The following PDE10A variants were observed in gnomAD, a reference collection of about 807,000 sequenced individuals.
PDE10A encodes cAMP and cAMP-inhibited cGMP 3',5'-cyclic phosphodiesterase 10A.
In PDE10A, 39 loss-of-function variants were observed where a neutral mutation model predicts 97.7. The ratio of observed to expected loss-of-function variants is 0.40; its 90% CI spans 0.31 to 0.52. The LOEUF is 0.52. Ranked by LOEUF, PDE10A falls within the 20% of genes least tolerant of loss-of-function variation. The pLI is 0.56. For missense variants in PDE10A, 731 were observed against 1,047.8 expected (o/e 0.70, Z 4.17); for synonymous variants, 371 against 376.8 (o/e 0.98, Z 0.18).
At chr6:165,860,834 C>G (rs189734235) in intron 1 of PDE10A, among the ~76,000 whole-genome samples, 1 of 152,316 alleles carries the variant, frequency 6.6e-6, no homozygotes, top group Non-Finnish European at 1.5e-5. Flanking sequence ...GAGTCCCTGA[C>G]CAATGCACAC....
At chr6:165,440,397 A>C (rs989070941) in intron 5 of PDE10A, among the ~76,000 whole-genome samples, 3 of 152,240 alleles carry the variant, frequency 2.0e-5, no homozygotes, top group African/African-American at 7.2e-5. Context: ...TATCCCAAGT[A>C]ACAAAACTAA....
intron 17 of PDE10A, among the ~76,000 whole-genome samples, chr6:165,384,765 A>T (rs1785180675): frequency 6.6e-6 from 1 of 152,000 alleles, no homozygotes. Flanking sequence ...ACTCTTCTGA[A>T]TGCCCTGCTT....
intron 5 of PDE10A, among the ~76,000 whole-genome samples, chr6:165,436,431 T>C (rs774987396): frequency 6.6e-6 from 1 of 152,178 alleles, no homozygotes; most frequent in African/African-American, 2.4e-5. Context: ...TTAACTTGAC[T>C]AATAAACCCC....
chr6:165,949,753 A>G (rs1260437086), intron 1 of PDE10A: 3 of 152,234 alleles, frequency 2.0e-5, no homozygotes, highest in South Asian at 2.1e-4. Context: ...GGCACAGTAC[A>G]TAAAAGTATT....
intron 1 of PDE10A, among the ~76,000 whole-genome samples, chr6:165,868,499 C>T (rs1448114187): frequency 6.6e-6 from 1 of 151,848 alleles, no homozygotes; most frequent in Non-Finnish European, 1.5e-5. Context: ...TAAAAAGTAA[C>T]AGGATTGAAT....
At chr6:165,476,227 G>A (rs1316436779) in intron 3 of PDE10A, among the ~76,000 whole-genome samples, 2 of 151,474 alleles carry the variant, frequency 1.3e-5, no homozygotes, top group African/African-American at 4.8e-5. Flanking sequence ...GAGGATAGAA[G>A]CGAATTTGGG....
chr6:165,550,920 T>G (rs533712396), intron 1 of PDE10A, among the ~76,000 whole-genome samples: 1 of 152,346 alleles, frequency 6.6e-6, no homozygotes, highest in South Asian at 2.1e-4. Flanking sequence ...TATACACATT[T>G]ACGTTAAAAA....
chr6:165,515,629 T>C (rs1343569274), intron 2 of PDE10A, among the ~76,000 whole-genome samples: 1 of 150,954 alleles, frequency 6.6e-6, no homozygotes, highest in African/African-American at 2.4e-5. Flanking sequence ...GTTCAAACGA[T>C]TCTCCTGCCT....
At chr6:165,649,054 C>A (rs1283723616) in intron 1 of PDE10A, among the ~76,000 whole-genome samples, 1 of 152,164 alleles carries the variant, frequency 6.6e-6, no homozygotes, top group East Asian at 1.9e-4. Context: ...AGAAAGAGAA[C>A]TAGGTGAGTG....
intron 1 of PDE10A, among the ~76,000 whole-genome samples, chr6:165,809,682 T>TA (rs529692301): frequency 2.0e-5 from 3 of 151,982 alleles, no homozygotes; most frequent in African/African-American, 7.3e-5. Context: ...ACCTAATCAG[T>TA]AAAAAATGAT....
intron 1 of PDE10A, among the ~76,000 whole-genome samples, chr6:165,866,611 C>T (rs576104872): frequency 1.4e-4 from 21 of 150,564 alleles, no homozygotes; most frequent in East Asian, 3.9e-4. Context: ...ATCTCTTCAC[C>T]GCAAATTATA....
Position 165,339,807 on chromosome 6 carries a change from A to G in PDE10A, c.2896-449T>C, listed in dbSNP as rs1372915687. The stretch of plus-strand genomic sequence containing the variant: ...CACCAGTCGACTAAAATGTGCTAGT[A>G]AAGACGCAGTACAACAAACTACACA... On this transcript the variant is annotated intron_variant, in intron 19 of 21. Transcript: ENST00000539869. 2.6e-5 allele frequency among the ~76,000 whole-genome samples: 4 copies of G among 152,244 alleles called. No individual in the cohort carries two copies. In the South Asian group the frequency reaches 8.3e-4, roughly 32 times the overall value.
chr6:165,583,856 G>C (rs1249417608), intron 1 of PDE10A, among the ~76,000 whole-genome samples: 1 of 152,100 alleles, frequency 6.6e-6, no homozygotes, highest in Non-Finnish European at 1.5e-5. Flanking sequence ...TATTACTCCT[G>C]GTGATTTACT....
Position 165,711,650 on chromosome 6 carries a change from G to A in PDE10A, c.-614-168082C>T, listed in dbSNP as rs1037844535. ...ATGAGATGAAGGTAAGAGAAGAAAC[G>A]AAGATGAAAAGTGAGACTCAGGAAG... is the stretch of plus-strand genomic sequence containing the variant. On this transcript the variant is annotated intron_variant, in intron 1 of 19. Coordinates refer to the PDE10A transcript ENST00000366882. The surrounding 1 kb of genome is among the most constrained non-coding windows in gnomAD (Gnocchi z 4.5). Among the ~76,000 whole-genome samples the A allele has an allele frequency of 2.0e-5, 3 of 152,142 alleles. No homozygotes were observed. The highest frequency in any genetic ancestry group is 4.4e-5 in the Non-Finnish European group (3 of 68,020).
In PDE10A at chr6:165,896,659, A is replaced by G. The variant is rs560005489; in HGVS notation, c.-615+90870T>C. ...CCTGCCTCAGCCTCCCGAGTAGCTG[A>G]GACTACAGGCGCCCACCACCATGCC... On this transcript the variant is annotated intron_variant, in intron 1 of 19. Coordinates refer to the PDE10A transcript ENST00000366882. Among the ~76,000 whole-genome samples, 234 of 151,398 alleles carry G rather than the reference A, an allele frequency of 1.5e-3. 2 individuals carry two copies. The highest frequency in any genetic ancestry group is 5.4e-3 in the African/African-American group (224 of 41,214).
chr6:165,529,055 C>T (rs1782618372), intron 2 of PDE10A, among the ~76,000 whole-genome samples: 1 of 152,178 alleles, frequency 6.6e-6, no homozygotes, highest in Non-Finnish European at 1.5e-5. Context: ...TTACATTCTG[C>T]TCTCCTAGAG....
chr6:165,540,496 T>A (rs77877075), intron 2 of PDE10A, among the ~76,000 whole-genome samples: 4 of 152,192 alleles, frequency 2.6e-5, no homozygotes, highest in African/African-American at 9.7e-5. Flanking sequence ...CAATATCTTC[T>A]ATCTGCCACA....
chr6:165,329,589 C>A lies in PDE10A; in HGVS notation c.*3436G>T, dbSNP rs1302828861. ...CCCAGGTATCTAAGGATTTATGCAT[C>A]TATTTATATCCTGTACAATACAGGA... On this transcript the variant is annotated 3_prime_UTR_variant, in exon 22 of 22. Coordinates refer to ENST00000539869, the MANE Select transcript of PDE10A (RefSeq NM_001385079.1). 6.6e-6 allele frequency: 1 copy of A among 152,098 alleles called. No homozygotes were observed. Among genetic ancestry groups the A allele is most frequent in the African/African-American group, 2.4e-5 (1 of 41,416 alleles). The allele number at this position is 152,098 out of a possible 1,614,324, so 9.4% of individuals were successfully genotyped here. A position where few individuals can be genotyped will look rare whatever the true frequency, so the allele number is the denominator to read the frequency against.
chr6:165,798,523 A>C (rs1357612289), intron 1 of PDE10A, among the ~76,000 whole-genome samples: 1 of 152,188 alleles, frequency 6.6e-6, no homozygotes, highest in African/African-American at 2.4e-5. Context: ...CCATTGTCCA[A>C]AGTTTTAAAA....
Sources: gnomAD v4.1 joint callset for allele counts (sites outside exome capture counted in the v4.1 genomes callset) on GRCh38, gnomAD v4.1.1 for gene constraint, Gnocchi (gnomAD v3.1) non-coding constraint, MANE v1.5 for transcripts, NCBI Gene and HGNC (gene_info 2026-07-23, HGNC 2026-07-21) for gene names.